OTUD7A: variants seen among roughly 807,000 people sequenced by gnomAD.
OTUD7A encodes the protein OTU domain-containing protein 7A.
OTUD7A carries 12 observed loss-of-function variants against 65.7 expected under a neutral mutation model. The ratio of observed to expected loss-of-function variants is 0.18; its 90% CI spans 0.12 to 0.30. The LOEUF (loss-of-function observed/expected upper bound fraction) is 0.30. Among genes scored for constraint, OTUD7A ranks in the 10% least tolerant of loss-of-function variants. OTUD7A has a pLI of 1.00. For synonymous variants in OTUD7A, 641 were observed against 586.3 expected (o/e 1.09, Z -1.35); for missense variants, 1,148 against 1,304.8 (o/e 0.88, Z 1.85).
intron 5 of OTUD7A, among the ~76,000 whole-genome samples, chr15:31,534,587 T>G (rs554924478): frequency 6.6e-6 from 1 of 152,320 alleles, no homozygotes; most frequent in South Asian, 2.1e-4. Flanking sequence ...AAATCTGTAT[T>G]CGCAAATCAG....
At chr15:31,789,752 C>A (rs985977423) in intron 1 of OTUD7A, among the ~76,000 whole-genome samples, 8 of 142,978 alleles carry the variant, frequency 5.6e-5, no homozygotes, top group Non-Finnish European at 7.5e-5. Context: ...CTCGTCCAGG[C>A]TAGAGTGCAA....
At chr15:31,772,359 T>C (rs1260942277) in intron 1 of OTUD7A, among the ~76,000 whole-genome samples, 2 of 152,228 alleles carry the variant, frequency 1.3e-5, no homozygotes, top group Admixed American at 1.3e-4. Context: ...TATGCCTTTT[T>C]CATTCACCTC....
intron 1 of OTUD7A, among the ~76,000 whole-genome samples, chr15:31,831,138 C>T (rs1896920020): frequency 6.6e-6 from 1 of 152,170 alleles, no homozygotes; most frequent in African/African-American, 2.4e-5. Flanking sequence ...CCCTACCTCA[C>T]ACTATACACA....
intron 5 of OTUD7A, among the ~76,000 whole-genome samples, chr15:31,549,135 CAAAAAAAAAAA>C (rs568463366): frequency 1.5e-5 from 1 of 65,082 alleles, no homozygotes; most frequent in Admixed American, 1.8e-4. Flanking sequence ...GGCCTTGTCT[CAAAAAAAAAAA>C]AAAAAAAAAA....
At chr15:31,539,531 T>C (rs1188151235) in intron 5 of OTUD7A, among the ~76,000 whole-genome samples, 1 of 152,144 alleles carries the variant, frequency 6.6e-6, no homozygotes, top group Non-Finnish European at 1.5e-5. Context: ...AAAAAGTGCA[T>C]AAAGAGCCAT....
At chr15:31,660,719 C>T (rs142119854) in intron 1 of OTUD7A, among the ~76,000 whole-genome samples, 47 of 152,308 alleles carry the variant, frequency 3.1e-4, no homozygotes, top group African/African-American at 8.7e-4. Context: ...GGCCAGACAG[C>T]GACAGATAGG....
chr15:31,708,891 T>C (rs1417752876), intron 1 of OTUD7A, among the ~76,000 whole-genome samples: 1 of 151,358 alleles, frequency 6.6e-6, no homozygotes, highest in Non-Finnish European at 1.5e-5. Flanking sequence ...CAGTGAGAGA[T>C]ACAGGTGGCC....
intron 1 of OTUD7A, among the ~76,000 whole-genome samples, chr15:31,849,767 A>C (rs1897375781): frequency 6.6e-6 from 1 of 152,266 alleles, no homozygotes; most frequent in Non-Finnish European, 1.5e-5. Context: ...TCTCAAAAGA[A>C]GAAATTTATG....
In OTUD7A at chr15:31,617,784, AT is replaced by A. The variant is rs996139228; in HGVS notation, c.151+37311del. 2.5e-3 allele frequency among the ~76,000 whole-genome samples: 376 copies of A among 151,812 alleles called. 4 individuals carry two copies. Among genetic ancestry groups the A allele is most frequent in the African/African-American group, 8.5e-3 (354 of 41,420 alleles). ...TTTATTTTTATTTTATTATTTTTTA[AT>A]TTTTTTATTATACTTTAAGTTCTAG... is the stretch of plus-strand genomic sequence containing the variant. On this transcript the variant is annotated intron_variant, in intron 3 of 12. Coordinates refer to ENST00000307050, the MANE Select transcript of OTUD7A (RefSeq NM_001382637.1).
chr15:31,817,274 T>G (rs1023598862), intron 1 of OTUD7A, among the ~76,000 whole-genome samples: 1 of 93,018 alleles, frequency 1.1e-5, no homozygotes, highest in Non-Finnish European at 2.4e-5. Flanking sequence ...CTAGATCATT[T>G]GCCCCCCCCC....
intron 1 of OTUD7A, among the ~76,000 whole-genome samples, chr15:31,839,647 G>A (rs1235539291): frequency 6.6e-6 from 1 of 152,102 alleles, no homozygotes; most frequent in African/African-American, 2.4e-5. Flanking sequence ...CCATATTCCA[G>A]GGACATCCCG....
chr15:31,495,522 T>A lies in OTUD7A; in HGVS notation c.1171+6168A>T, dbSNP rs541454130. Among the ~76,000 whole-genome samples the A allele has an allele frequency of 8.5e-5, 13 of 152,276 alleles. No homozygotes were observed. The East Asian group carries it at 1.9e-3, about 23-fold the overall frequency. ...CCCCCAACCCCAGCTCCTCGGCCTC[T>A]CACCCCTTAGCCAGGGGCCTTTGCA... On this transcript the variant is annotated intron_variant, in intron 10 of 12. Coordinates refer to ENST00000307050, the MANE Select transcript of OTUD7A (RefSeq NM_001382637.1).
intron 1 of OTUD7A, among the ~76,000 whole-genome samples, chr15:31,740,307 G>T (rs8032729): frequency 0.99 from 150,575 of 152,162 alleles, 74,527 homozygotes; most frequent in Middle Eastern, 1. Flanking sequence ...GGAAGCCCCA[G>T]GAGACTCTCC....
chr15:31,761,080 TTAGAAGAAAACA>T (rs1459919672), intron 1 of OTUD7A, among the ~76,000 whole-genome samples: 1 of 152,128 alleles, frequency 6.6e-6, no homozygotes, highest in Non-Finnish European at 1.5e-5. Context: ...ATAACAACAC[TTAGAAGAAAACA>T]TAGCAGTAAA....
At chr15:31,612,107 G>C (rs1172593322) in intron 3 of OTUD7A, among the ~76,000 whole-genome samples, 2 of 152,118 alleles carry the variant, frequency 1.3e-5, no homozygotes, top group South Asian at 2.1e-4. Flanking sequence ...CATCCTTTAA[G>C]ATTAAAACTC....
At chr15:31,585,907 C>T (rs1231173498) in intron 3 of OTUD7A, among the ~76,000 whole-genome samples, 1 of 152,058 alleles carries the variant, frequency 6.6e-6, no homozygotes, top group Non-Finnish European at 1.5e-5. Context: ...AGCCAAGCAA[C>T]AAAGAAGACT....
intron 1 of OTUD7A, among the ~76,000 whole-genome samples, chr15:31,744,212 T>C (rs1241076995): frequency 6.6e-6 from 1 of 152,184 alleles, no homozygotes; most frequent in East Asian, 1.9e-4. Context: ...ATAGTAATTT[T>C]ATACAACTTT....
intron 1 of OTUD7A, among the ~76,000 whole-genome samples, chr15:31,810,113 C>A (rs1040526327): frequency 6.6e-6 from 1 of 152,200 alleles, no homozygotes; most frequent in African/African-American, 2.4e-5. Context: ...GTTCTTCAGG[C>A]AGCTGGAGAA....
chr15:31,627,164 T>C (rs571817426), intron 3 of OTUD7A, among the ~76,000 whole-genome samples: 1 of 152,048 alleles, frequency 6.6e-6, no homozygotes, highest in Admixed American at 6.6e-5. Context: ...CATGTATGCA[T>C]GTGCCATGCT....
Sources: allele counts gnomAD v4.1 joint callset (sites outside exome capture counted in the v4.1 genomes callset), GRCh38; gene constraint gnomAD v4.1.1; transcripts MANE v1.5; gene names NCBI Gene and HGNC (gene_info 2026-07-23, HGNC 2026-07-21).